Variants in CCSER1 observed in about 807,000 individuals in gnomAD.
The protein encoded by CCSER1 is coiled-coil serine rich protein 1.
A neutral mutation model predicts 82.0 loss-of-function variants in CCSER1; 41 were observed. The ratio of observed to expected loss-of-function variants is 0.50; its 90% CI spans 0.39 to 0.65. The LOEUF (loss-of-function observed/expected upper bound fraction) is 0.65. Among genes scored for constraint, CCSER1 ranks in the 30% least tolerant of loss-of-function variants. CCSER1 has a pLI of 0.00. For synonymous variants in CCSER1, 414 were observed against 383.9 expected (o/e 1.08, Z -0.92); for missense variants, 1,119 against 1,064.2 (o/e 1.05, Z -0.72).
At chr4:90,877,874 T>C (rs945502133) in intron 8 of CCSER1, among the ~76,000 whole-genome samples, 2 of 152,210 alleles carry the variant, frequency 1.3e-5, no homozygotes, top group African/African-American at 2.4e-5. Flanking sequence ...GCTATTTTAG[T>C]CCCTTAGTCA....
At chr4:90,883,723 G>A (rs1233298317) in intron 8 of CCSER1, among the ~76,000 whole-genome samples, 6 of 152,118 alleles carry the variant, frequency 3.9e-5, no homozygotes, top group Admixed American at 3.9e-4. Context: ...GTCACCGTGA[G>A]GTGCTTTGGC....
chr4:91,068,380 G>A (rs1188709866), intron 9 of CCSER1, among the ~76,000 whole-genome samples: 18 of 152,124 alleles, frequency 1.2e-4, no homozygotes, highest in Admixed American at 1.1e-3. Flanking sequence ...GTAAGCCACG[G>A]TACATTTTCT....
intron 7 of CCSER1, among the ~76,000 whole-genome samples, chr4:90,805,086 A>AATTTC: frequency 6.6e-6 from 1 of 152,214 alleles, no homozygotes; most frequent in East Asian, 1.9e-4. Context: ...GAACTATAAT[A>AATTTC]GAGTTTGTCT....
intron 4 of CCSER1, among the ~76,000 whole-genome samples, chr4:90,443,966 A>G (rs965648537): frequency 6.6e-6 from 1 of 152,096 alleles, no homozygotes; most frequent in Non-Finnish European, 1.5e-5. Context: ...ATGACTTTTT[A>G]GAGTATGCAT....
chr4:91,253,857 A>T (rs1280349606), intron 10 of CCSER1, among the ~76,000 whole-genome samples: 1 of 152,040 alleles, frequency 6.6e-6, no homozygotes, highest in Non-Finnish European at 1.5e-5. Flanking sequence ...GCAAGAGAGG[A>T]GTGGGGGGAG....
intron 9 of CCSER1, among the ~76,000 whole-genome samples, chr4:91,035,579 T>C (rs1741364149): frequency 6.6e-6 from 1 of 152,170 alleles, no homozygotes; most frequent in East Asian, 1.9e-4. Context: ...ACTTCTCTTT[T>C]TATTTACAGA....
intron 10 of CCSER1, among the ~76,000 whole-genome samples, chr4:91,423,429 T>TA (rs1050784897): frequency 7.6e-5 from 11 of 144,560 alleles, no homozygotes; most frequent in South Asian, 2.2e-4. Flanking sequence ...AAACTCCGTC[T>TA]AAAAAAAAAA....
chr4:91,520,532 C>T (rs547082091), intron 10 of CCSER1, among the ~76,000 whole-genome samples: 2 of 152,234 alleles, frequency 1.3e-5, no homozygotes, highest in Admixed American at 1.3e-4. Flanking sequence ...GATCTTTTAA[C>T]TTACATATGA....
At chr4:90,287,220 A>G (rs895654586) in intron 1 of CCSER1, among the ~76,000 whole-genome samples, 2 of 151,942 alleles carry the variant, frequency 1.3e-5, no homozygotes, top group Non-Finnish European at 2.9e-5. Context: ...AACCCTACAA[A>G]ATAGGGTCAG....
intron 9 of CCSER1, among the ~76,000 whole-genome samples, chr4:90,947,281 A>G (rs1732369593): frequency 6.6e-6 from 1 of 152,186 alleles, no homozygotes; most frequent in African/African-American, 2.4e-5. Flanking sequence ...GAAAATATGG[A>G]AAGTATCATT....
intron 9 of CCSER1, among the ~76,000 whole-genome samples, chr4:91,035,017 TCA>T (rs1741312300): frequency 6.6e-6 from 1 of 152,098 alleles, no homozygotes; most frequent in Non-Finnish European, 1.5e-5. Flanking sequence ...GAGGCTTGTT[TCA>T]AAAAGGGTTT....
In CCSER1 at chr4:90,790,895, C is replaced by A. The variant is rs548176969; in HGVS notation, c.2011-24867C>A. Among the ~76,000 whole-genome samples the A allele has an allele frequency of 5.9e-5, 9 of 152,292 alleles. No individual in the cohort carries two copies. The South Asian group carries it at 1.2e-3, about 21-fold the overall frequency. On this transcript the variant is annotated intron_variant, in intron 7 of 10. Coordinates refer to ENST00000509176, the MANE Select transcript of CCSER1 (RefSeq NM_001145065.2). ...TTACCCAGTTCCAAAGTCACTTCCA[C>A]ATTTTCAGGTATCTTAATAGCAGCA... is the stretch of plus-strand genomic sequence containing the variant.
intron 10 of CCSER1, among the ~76,000 whole-genome samples, chr4:91,333,991 G>T (rs971115917): frequency 1.3e-5 from 2 of 151,758 alleles, no homozygotes; most frequent in South Asian, 4.2e-4. Context: ...AATGTGTTTT[G>T]GAAAATGGAC....
intron 8 of CCSER1, among the ~76,000 whole-genome samples, chr4:90,897,313 A>G (rs577396071): frequency 1.3e-4 from 19 of 151,952 alleles, no homozygotes; most frequent in African/African-American, 4.1e-4. Context: ...GAAGTCCCCA[A>G]TGTCTATTAT....
intron 5 of CCSER1, among the ~76,000 whole-genome samples, chr4:90,521,078 T>C (rs1773053089): frequency 3.9e-5 from 6 of 152,326 alleles, no homozygotes; most frequent in African/African-American, 1.2e-4. Context: ...TGATTCTTTT[T>C]TTATTAAATT....
At chr4:90,175,298 G>A (rs1732458828) in intron 1 of CCSER1, among the ~76,000 whole-genome samples, 2 of 152,052 alleles carry the variant, frequency 1.3e-5, no homozygotes, top group African/African-American at 2.4e-5. Flanking sequence ...TCTAGAAAAT[G>A]CAACTAATTT....
chr4:90,955,145 A>G (rs1048786355), intron 9 of CCSER1, among the ~76,000 whole-genome samples: 10 of 152,182 alleles, frequency 6.6e-5, no homozygotes, highest in African/African-American at 2.4e-4. Context: ...ATATAAACTC[A>G]AGGAAGGCAG....
At chr4:90,642,413 A>G (rs1013188391) in intron 6 of CCSER1, 1 of 152,362 alleles carries the variant, frequency 6.6e-6, no homozygotes, top group South Asian at 2.1e-4. Flanking sequence ...TTTAGCTGGA[A>G]TGCACTTATT....
chr4:90,957,558 AT>A (rs1561418022), intron 9 of CCSER1, among the ~76,000 whole-genome samples: 4 of 113,358 alleles, frequency 3.5e-5, no homozygotes, highest in Middle Eastern at 4.4e-3. Context: ...TATATTATAT[AT>A]ATTATATAAT....
Sources: gnomAD v4.1 joint callset for allele counts (sites outside exome capture counted in the v4.1 genomes callset) on GRCh38, gnomAD v4.1.1 for gene constraint, MANE v1.5 for transcripts, NCBI Gene and HGNC (gene_info 2026-07-23, HGNC 2026-07-21) for gene names.